The following KCNIP4 variants were observed in gnomAD, a reference collection of about 807,000 sequenced individuals.
KCNIP4 encodes potassium voltage-gated channel interacting protein 4, also known as Kv channel-interacting protein 4.
In KCNIP4, 12 loss-of-function variants were observed where a neutral mutation model predicts 34.0. That is an observed-to-expected ratio of 0.35 (90% confidence interval 0.23 to 0.57). The LOEUF is 0.57. Ranked by LOEUF, KCNIP4 falls within the 20% of genes least tolerant of loss-of-function variation. KCNIP4 has a pLI of 0.83. For synonymous variants in KCNIP4, 124 were observed against 102.2 expected, an observed-to-expected ratio of 1.21 and a Z score of -1.29; for missense variants, 238 against 311.7, an observed-to-expected ratio of 0.76 and a Z score of 1.78.
At chr4:20,833,437 A>G (rs777448425) in intron 3 of KCNIP4, among the ~76,000 whole-genome samples, 13 of 152,072 alleles carry the variant, frequency 8.5e-5, no homozygotes, top group Non-Finnish European at 1.6e-4. Context: ...GTGCGCCGAC[A>G]TTGTGCCACT....
intron 1 of KCNIP4, among the ~76,000 whole-genome samples, chr4:21,642,050 G>C (rs36097006): frequency 0.22 from 33,034 of 152,106 alleles, 4,640 homozygotes; most frequent in Non-Finnish European, 0.3. Context: ...TTCTGCACAC[G>C]ATGTTTCTGC....
chr4:20,888,409 C>T (rs551453059), intron 1 of KCNIP4, among the ~76,000 whole-genome samples: 1 of 152,224 alleles, frequency 6.6e-6, no homozygotes, highest in Non-Finnish European at 1.5e-5. Context: ...TTGTAATTAG[C>T]AGATGCATTT....
At chr4:21,519,763 GTGTGT>G (rs1441575354) in intron 1 of KCNIP4, among the ~76,000 whole-genome samples, 8 of 139,874 alleles carry the variant, frequency 5.7e-5, no homozygotes, top group Non-Finnish European at 1.2e-4. Context: ...GTGTATGTAT[GTGTGT>G]ATACACACGT....
At chr4:20,866,749 C>T (rs2149503761) in intron 2 of KCNIP4, among the ~76,000 whole-genome samples, 1 of 152,064 alleles carries the variant, frequency 6.6e-6, no homozygotes, top group South Asian at 2.1e-4. Flanking sequence ...GACTCTATAC[C>T]TAGAAAATCC....
At chr4:21,825,131 G>A (rs781214031) in intron 1 of KCNIP4, among the ~76,000 whole-genome samples, 3 of 152,068 alleles carry the variant, frequency 2.0e-5, no homozygotes, top group Admixed American at 6.6e-5. Context: ...AGGACTTGAC[G>A]TAAGTGGTAG....
chr4:21,549,709 G>A (rs561313200), intron 1 of KCNIP4, among the ~76,000 whole-genome samples: 1 of 152,122 alleles, frequency 6.6e-6, no homozygotes, highest in Admixed American at 6.6e-5. Flanking sequence ...TGATGAGACT[G>A]AGTCATAGAG....
intron 1 of KCNIP4, among the ~76,000 whole-genome samples, chr4:21,812,400 C>CAAAT (rs749349742): frequency 6.6e-6 from 1 of 151,978 alleles, no homozygotes; most frequent in Non-Finnish European, 1.5e-5. Context: ...GGAATGCCAG[C>CAAAT]AAATAAATGC....
intron 1 of KCNIP4, among the ~76,000 whole-genome samples, chr4:20,979,701 C>T (rs1735883241): frequency 6.6e-6 from 1 of 151,886 alleles, no homozygotes; most frequent in African/African-American, 2.4e-5. Context: ...CCTGGCTCTG[C>T]TTGCACTTTC....
At chr4:20,761,121 A>T (rs1264470876) in intron 3 of KCNIP4, among the ~76,000 whole-genome samples, 2 of 152,162 alleles carry the variant, frequency 1.3e-5, no homozygotes, top group Non-Finnish European at 2.9e-5. Flanking sequence ...CTTCCCAGAG[A>T]AAGAGTGTTC....
chr4:20,730,184 C>T, intron 8 of KCNIP4, 55 bp from the exon 9 acceptor site: 1 of 1,551,764 alleles, frequency 6.4e-7, no homozygotes, highest in East Asian at 2.3e-5. Context: ...AGGAAAAGTA[C>T]ACTATTTTGC....
intron 1 of KCNIP4, among the ~76,000 whole-genome samples, chr4:21,913,215 C>T (rs1164701061): frequency 6.6e-6 from 1 of 152,046 alleles, no homozygotes; most frequent in Non-Finnish European, 1.5e-5. Context: ...GTGGTACATG[C>T]CTGCAGACCA....
At chr4:21,103,978 C>A (rs567731625) in intron 1 of KCNIP4, among the ~76,000 whole-genome samples, 18 of 152,028 alleles carry the variant, frequency 1.2e-4, no homozygotes, top group Non-Finnish European at 2.4e-4. Context: ...TTAATCCAGT[C>A]TATCATTGTT....
chr4:21,756,215 C>T (rs534457972), intron 1 of KCNIP4, among the ~76,000 whole-genome samples: 7 of 152,204 alleles, frequency 4.6e-5, no homozygotes, highest in African/African-American at 1.2e-4. Flanking sequence ...TTTTAGTCTT[C>T]GTATGTTTGT....
intron 1 of KCNIP4, among the ~76,000 whole-genome samples, chr4:21,542,719 T>C (rs1737812831): frequency 6.6e-6 from 1 of 150,476 alleles, no homozygotes; most frequent in African/African-American, 2.4e-5. Context: ...TATAAATATA[T>C]GGAACACACC....
chr4:21,754,448 T>G (rs1717372564), intron 1 of KCNIP4, among the ~76,000 whole-genome samples: 1 of 152,246 alleles, frequency 6.6e-6, no homozygotes. Flanking sequence ...GATGAATACA[T>G]ATTTGTTGAA....
chr4:21,059,672 T>C (rs947621525), intron 1 of KCNIP4, among the ~76,000 whole-genome samples: 1 of 152,136 alleles, frequency 6.6e-6, no homozygotes, highest in Non-Finnish European at 1.5e-5. Context: ...TTATTCATCA[T>C]GATATTAGTT....
chr4:20,924,429 C>A (rs996876689), intron 1 of KCNIP4, among the ~76,000 whole-genome samples: 1 of 152,150 alleles, frequency 6.6e-6, no homozygotes, highest in Non-Finnish European at 1.5e-5. Flanking sequence ...TTTATGTAGT[C>A]AGAGAATCCT....
At chr4:21,705,353 A>C (rs967307186) in intron 1 of KCNIP4, among the ~76,000 whole-genome samples, 1 of 152,164 alleles carries the variant, frequency 6.6e-6, no homozygotes, top group Admixed American at 6.6e-5. Flanking sequence ...AGATGTCACC[A>C]CTGCAGAAAA....
intron 2 of KCNIP4, among the ~76,000 whole-genome samples, chr4:20,863,961 CAT>C (rs994751672): frequency 5.3e-5 from 8 of 149,980 alleles, no homozygotes; most frequent in East Asian, 1.9e-4. Context: ...TACACACACA[CAT>C]ACATATACAT....
Sources: gnomAD v4.1 joint callset for allele counts (sites outside exome capture counted in the v4.1 genomes callset) on GRCh38, gnomAD v4.1.1 for gene constraint, MANE v1.5 for transcripts, NCBI Gene and HGNC (gene_info 2026-07-23, HGNC 2026-07-21) for gene names.